The following AKT3 variants were observed in gnomAD, a reference collection of about 807,000 sequenced individuals.
AKT3 encodes the protein RAC-gamma serine/threonine-protein kinase.
In AKT3, 15 loss-of-function variants were observed where a neutral mutation model predicts 65.3. That is an observed-to-expected ratio of 0.23 (90% CI 0.15 to 0.35). The LOEUF (loss-of-function observed/expected upper bound fraction) is 0.35. AKT3 is among the 10% of genes least tolerant of loss of function. The pLI is 1.00. For synonymous variants in AKT3, 206 were observed against 183.8 expected, an observed-to-expected ratio of 1.12 and a Z score of -0.98; for missense variants, 243 against 576.5, an observed-to-expected ratio of 0.42 and a Z score of 5.92.
intron 9 of AKT3, among the ~76,000 whole-genome samples, chr1:243,572,001 T>C (rs987209015): frequency 1.3e-5 from 2 of 152,236 alleles, no homozygotes; most frequent in Admixed American, 1.3e-4. Flanking sequence ...TTACGTTACA[T>C]GAAATAGTAT....
intron 2 of AKT3, among the ~76,000 whole-genome samples, chr1:243,804,035 A>G (rs954260269): frequency 1.3e-5 from 2 of 152,338 alleles, no homozygotes; most frequent in African/African-American, 4.8e-5. Context: ...CAGCCCACAC[A>G]GCAGAAGAAG....
intron 2 of AKT3, among the ~76,000 whole-genome samples, chr1:243,816,001 G>A (rs2148410548): frequency 6.6e-6 from 1 of 152,238 alleles, no homozygotes; most frequent in South Asian, 2.1e-4. Context: ...GTTTCTGTGG[G>A]AAAGGAGTGA....
intron 2 of AKT3, among the ~76,000 whole-genome samples, chr1:243,802,871 A>G (rs1692462716): frequency 6.6e-6 from 1 of 151,722 alleles, no homozygotes; most frequent in Non-Finnish European, 1.5e-5. Flanking sequence ...TTAACAGGCC[A>G]GGCACAGTGG....
At chr1:243,557,616 C>G (rs1290833912) in intron 10 of AKT3, among the ~76,000 whole-genome samples, 1 of 151,890 alleles carries the variant, frequency 6.6e-6, no homozygotes, top group Non-Finnish European at 1.5e-5. Context: ...AAAATAGCAA[C>G]ATACTATAGA....
At chr1:243,783,671 T>C (rs1463324128) in intron 2 of AKT3, among the ~76,000 whole-genome samples, 3 of 152,240 alleles carry the variant, frequency 2.0e-5, no homozygotes, top group African/African-American at 2.4e-5. Flanking sequence ...ATGGGTACTT[T>C]AGTGCTCACT....
chr1:243,557,430 T>C (rs1052324779), intron 10 of AKT3, among the ~76,000 whole-genome samples: 9 of 151,968 alleles, frequency 5.9e-5, no homozygotes, highest in Admixed American at 2.6e-4. Context: ...CCATATAACA[T>C]TGAAAAGAAG....
intron 8 of AKT3, among the ~76,000 whole-genome samples, chr1:243,607,939 A>C (rs1284232429): frequency 6.6e-6 from 1 of 152,194 alleles, no homozygotes; most frequent in African/African-American, 2.4e-5. Flanking sequence ...CATGTGAAGA[A>C]GGACATGTTT....
intron 2 of AKT3, among the ~76,000 whole-genome samples, chr1:243,837,749 A>G (rs1572434347): frequency 6.6e-6 from 1 of 152,332 alleles, no homozygotes; most frequent in Middle Eastern, 3.4e-3. Context: ...TCAACCTGAT[A>G]AAGGGCAGCA....
At chr1:243,748,592 A>G (rs1688617889) in intron 2 of AKT3, among the ~76,000 whole-genome samples, 1 of 152,196 alleles carries the variant, frequency 6.6e-6, no homozygotes, top group South Asian at 2.1e-4. Context: ...TTAATGTAGA[A>G]TTTCAGAAAA....
intron 12 of AKT3, among the ~76,000 whole-genome samples, chr1:243,530,827 G>A (rs769543772): frequency 6.6e-6 from 1 of 151,978 alleles, no homozygotes; most frequent in Non-Finnish European, 1.5e-5. Flanking sequence ...AATGACAAAG[G>A]GGTCATTACT....
At chr1:243,538,376 GAGAAAAAAAGGAACAA>G (rs1168381356) in intron 12 of AKT3, among the ~76,000 whole-genome samples, 3 of 147,650 alleles carry the variant, frequency 2.0e-5, no homozygotes, top group African/African-American at 7.5e-5. Context: ...GGCAGACAAA[GAGAAAAAAAGGAACAA>G]AGAAAAAAAA....
At chr1:243,624,214 T>A (rs542151293) in intron 6 of AKT3, among the ~76,000 whole-genome samples, 2 of 152,316 alleles carry the variant, frequency 1.3e-5, no homozygotes, top group East Asian at 3.9e-4. Context: ...ACCAATGGCA[T>A]GAGACGGCAG....
At chr1:243,749,911 G>A (rs1443440508) in intron 2 of AKT3, among the ~76,000 whole-genome samples, 2 of 152,206 alleles carry the variant, frequency 1.3e-5, no homozygotes, top group Non-Finnish European at 2.9e-5. Context: ...TACAGGCCTT[G>A]TTGTCCTTGA....
intron 2 of AKT3, among the ~76,000 whole-genome samples, chr1:243,763,672 T>G (rs1689636799): frequency 6.6e-6 from 1 of 152,042 alleles, no homozygotes; most frequent in South Asian, 2.1e-4. Flanking sequence ...GTAAATAAAT[T>G]TGGGATGTTT....
At chr1:243,713,746 TAAAAAAAA>T (rs572960154) in intron 2 of AKT3, among the ~76,000 whole-genome samples, 17 of 82,968 alleles carry the variant, frequency 2.0e-4, no homozygotes, top group African/African-American at 6.3e-4. Context: ...TTTGCCTTAA[TAAAAAAAA>T]AAAAAAAAAA....
rs1677719785 is a variant in AKT3, at chr1:243,609,675, AAAATATT to A, written c.696+3989_696+3995del. 3.9e-5 allele frequency among the ~76,000 whole-genome samples: 6 copies of A among 152,312 alleles called. No individual in the cohort carries two copies. In the South Asian group the frequency reaches 1.2e-3, roughly 32 times the overall value. Reference sequence around the variant, plus strand: ...CCTAGAGAATCAGTTCACTTGCTTCAAAATATTAAATAATACTTATCTATAGCCCAAT... The same window carrying A: ...CCTAGAGAATCAGTTCACTTGCTTCAAAATAATACTTATCTATAGCCCAAT... On this transcript the variant is annotated intron_variant, in intron 8 of 13. Coordinates refer to ENST00000673466, the MANE Select transcript of AKT3 (RefSeq NM_005465.7).
chr1:243,675,350 C>A (rs1256460124), intron 3 of AKT3, among the ~76,000 whole-genome samples: 1 of 152,208 alleles, frequency 6.6e-6, no homozygotes, highest in African/African-American at 2.4e-5. Flanking sequence ...CAGGCGCATA[C>A]TACCACGCCC....
intron 3 of AKT3, among the ~76,000 whole-genome samples, chr1:243,683,382 TA>T (rs1166988856): frequency 7.9e-5 from 12 of 152,138 alleles, no homozygotes; most frequent in African/African-American, 2.9e-4. Flanking sequence ...TTAGACTTCC[TA>T]AAAAATATAT....
chr1:243,819,431 C>T (rs994713996), intron 2 of AKT3, among the ~76,000 whole-genome samples: 1 of 152,196 alleles, frequency 6.6e-6, no homozygotes, highest in African/African-American at 2.4e-5. Flanking sequence ...CCTCACTGGG[C>T]AGGGCCTCCC....
Sources: allele counts gnomAD v4.1 joint callset (sites outside exome capture counted in the v4.1 genomes callset), GRCh38; gene constraint gnomAD v4.1.1; transcripts MANE v1.5; gene names NCBI Gene and HGNC (gene_info 2026-07-23, HGNC 2026-07-21).